ZNF423: variants seen among roughly 807,000 people sequenced by gnomAD.
The protein encoded by ZNF423 is zinc finger protein 423, also known as Ebf-associated zinc finger protein.
ZNF423 carries 12 observed loss-of-function variants against 95.8 expected under a neutral mutation model. That is an observed-to-expected ratio of 0.13 (90% CI 0.08 to 0.20). The LOEUF (loss-of-function observed/expected upper bound fraction) is 0.20. Among genes scored for constraint, ZNF423 ranks in the 10% least tolerant of loss-of-function variants. The pLI is 1.00. For synonymous variants in ZNF423, 749 were observed against 711.9 expected (o/e 1.05, Z -0.83); for missense variants, 1,316 against 1,737.1 (o/e 0.76, Z 4.31).
At chr16:49,825,124 T>C (rs1282768038) in intron 1 of ZNF423, among the ~76,000 whole-genome samples, 1 of 152,200 alleles carries the variant, frequency 6.6e-6, no homozygotes, top group Admixed American at 6.5e-5. Flanking sequence ...GGTAAATAAA[T>C]TTTTATGTGG....
rs1465490460 is a variant in ZNF423, at chr16:49,492,770, A to G, written c.3850-1466T>C. On this transcript the variant is annotated intron_variant, in intron 7 of 7. Coordinates refer to ENST00000563137, the MANE Select transcript of ZNF423 (RefSeq NM_001379286.1). This position sits in a 1 kb window ranked among gnomAD's most constrained non-coding sequence, Gnocchi z 4.2. ...CAGGCACCGCTCTTTCAATCCTCAC[A>G]ACAGCCTTGCGAGGTGGGACTTCTT... Among the ~76,000 whole-genome samples the G allele has an allele frequency of 6.6e-6, 1 of 152,112 alleles. No homozygotes were observed. The highest frequency in any genetic ancestry group is 1.5e-5 in the Non-Finnish European group (1 of 67,992).
At position 49,810,028 on chromosome 16, in the gene ZNF423, A is replaced by T. The variant is rs1219880676; in HGVS notation, c.41-20482T>A. 2.0e-5 allele frequency among the ~76,000 whole-genome samples: 3 copies of T among 152,152 alleles called. No homozygotes were observed. In the East Asian group the frequency reaches 5.8e-4, roughly 30 times the overall value. On this transcript the variant is annotated intron_variant, in intron 1 of 7. Coordinates refer to ENST00000563137, the MANE Select transcript of ZNF423 (RefSeq NM_001379286.1). ...TGCCCAGGCCCCATTTCCTGCTGACAGCACCCCTTCCCCACTCTTTGGCCT... is the reference window on the plus strand; with the variant it reads ...TGCCCAGGCCCCATTTCCTGCTGACTGCACCCCTTCCCCACTCTTTGGCCT...
chr16:49,728,674 T>C (rs1435262920), intron 3 of ZNF423, among the ~76,000 whole-genome samples: 1 of 152,214 alleles, frequency 6.6e-6, no homozygotes, highest in Non-Finnish European at 1.5e-5. Context: ...CTCTCACATA[T>C]AGCCCAGTTT....
intron 4 of ZNF423, among the ~76,000 whole-genome samples, chr16:49,634,879 A>T (rs1248582440): frequency 6.6e-6 from 1 of 152,088 alleles, no homozygotes; most frequent in Non-Finnish European, 1.5e-5. Context: ...AAAGCCACTT[A>T]TCATGGGCCT....
chr16:49,770,674 G>T (rs2143705547), intron 2 of ZNF423, among the ~76,000 whole-genome samples: 1 of 152,122 alleles, frequency 6.6e-6, no homozygotes, highest in East Asian at 1.9e-4. Context: ...AGGGGAGAGA[G>T]GGTGCTCTCG....
intron 5 of ZNF423, among the ~76,000 whole-genome samples, chr16:49,530,319 C>A: frequency 6.6e-6 from 1 of 152,128 alleles, no homozygotes; most frequent in East Asian, 1.9e-4. Flanking sequence ...TACTCGAGAC[C>A]CCCATCTAAC....
intron 3 of ZNF423, among the ~76,000 whole-genome samples, chr16:49,665,198 G>C (rs75310511): frequency 0.068 from 10,361 of 152,310 alleles, 469 homozygotes; most frequent in Non-Finnish European, 0.099. Context: ...GAGCTTGGTG[G>C]GTAGCGGCAT....
chr16:49,708,593 C>T (rs948096872), intron 3 of ZNF423, among the ~76,000 whole-genome samples: 56 of 152,084 alleles, frequency 3.7e-4, no homozygotes, highest in Admixed American at 1.3e-4. Flanking sequence ...CCCTGCTCTT[C>T]CTTGCAGAAC....
At chr16:49,815,887 T>C (rs1446514245) in intron 1 of ZNF423, among the ~76,000 whole-genome samples, 1 of 41,448 alleles carries the variant, frequency 2.4e-5, no homozygotes, top group Admixed American at 3.2e-4. Context: ...AAAAAATATA[T>C]ATATATATAT....
At chr16:49,498,059 T>G (rs1967234408) in intron 7 of ZNF423, among the ~76,000 whole-genome samples, 1 of 152,142 alleles carries the variant, frequency 6.6e-6, no homozygotes, top group Non-Finnish European at 1.5e-5. Context: ...GAGATGGTTT[T>G]CCAGGCAGAG....
At chr16:49,859,100 C>T (rs114047039), upstream of ZNF423, among the ~76,000 whole-genome samples, 554 of 151,954 alleles carry the variant, frequency 3.6e-3, 3 homozygotes, top group African/African-American at 0.013. Flanking sequence ...AAAAGGAGCG[C>T]GGTGGGGAAT....
chr16:49,724,911 C>A (rs972830484), intron 3 of ZNF423, among the ~76,000 whole-genome samples: 3 of 152,142 alleles, frequency 2.0e-5, no homozygotes, highest in Admixed American at 6.5e-5. Context: ...CAACAAAGTC[C>A]CCCCTCTTGT....
chr16:49,500,825 T>C (rs1217194924), intron 7 of ZNF423, among the ~76,000 whole-genome samples: 1 of 151,834 alleles, frequency 6.6e-6, no homozygotes, highest in Non-Finnish European at 1.5e-5. Context: ...GGAGGATCAC[T>C]TGAGCCCAGA....
At chr16:49,777,970 G>A (rs1361400427) in intron 2 of ZNF423, among the ~76,000 whole-genome samples, 1 of 152,176 alleles carries the variant, frequency 6.6e-6, no homozygotes, top group African/African-American at 2.4e-5. Flanking sequence ...AGGTTTGCAA[G>A]GCATTTAGCC....
intron 1 of ZNF423, among the ~76,000 whole-genome samples, chr16:49,838,181 T>C (rs142893416): frequency 6.7e-4 from 102 of 152,344 alleles, no homozygotes; most frequent in African/African-American, 2.3e-3. Flanking sequence ...GCTGATGCAC[T>C]GGAAGCTGCA....
intron 5 of ZNF423, among the ~76,000 whole-genome samples, chr16:49,540,713 A>G (rs988810475): frequency 2.0e-5 from 3 of 152,230 alleles, no homozygotes; most frequent in African/African-American, 7.2e-5. Context: ...TCCAAAAGCC[A>G]GGGTTTAGTG....
Position 49,855,432 on chromosome 16 carries a change from T to C in ZNF423, c.40+303A>G, listed in dbSNP as rs1310727433. On this transcript the variant is annotated intron_variant, in intron 1 of 7. Coordinates refer to ENST00000563137, the MANE Select transcript of ZNF423 (RefSeq NM_001379286.1). The surrounding 1 kb of genome is among the most constrained non-coding windows in gnomAD (Gnocchi z 4.7). ...CACGGAGGGAGCGGCAAGGGCCCCT[T>C]AGCGGCGCCCCCAGGCCTGGGTCCC... 2.0e-5 allele frequency among the ~76,000 whole-genome samples: 3 copies of C among 149,672 alleles called. No homozygotes were observed. The highest frequency in any genetic ancestry group is 7.4e-5 in the African/African-American group (3 of 40,414).
chr16:49,514,483 T>C (rs1246571123), intron 7 of ZNF423, among the ~76,000 whole-genome samples: 1 of 152,022 alleles, frequency 6.6e-6, no homozygotes, highest in Non-Finnish European at 1.5e-5. Context: ...CTGAATCAAA[T>C]GTTCTCAAGG....
intron 2 of ZNF423, among the ~76,000 whole-genome samples, chr16:49,766,788 C>G (rs2033937409): frequency 6.6e-6 from 1 of 152,162 alleles, no homozygotes; most frequent in Non-Finnish European, 1.5e-5. Flanking sequence ...AGCACTATCT[C>G]CTTTCTCACT....
Sources: allele counts gnomAD v4.1 joint callset (sites outside exome capture counted in the v4.1 genomes callset), GRCh38; gene constraint gnomAD v4.1.1; non-coding constraint Gnocchi (gnomAD v3.1); transcripts MANE v1.5; gene names NCBI Gene and HGNC (gene_info 2026-07-23, HGNC 2026-07-21).